PDGFC: variants seen among roughly 807,000 people sequenced by gnomAD.
PDGFC encodes platelet derived growth factor C, also known as platelet-derived growth factor C.
Under a neutral mutation model 35.5 loss-of-function variants are expected in PDGFC, and 12 were observed. The observed-to-expected ratio is 0.34, with a 90% CI of 0.22 to 0.55. PDGFC has a LOEUF of 0.55. Ranked by LOEUF, PDGFC falls within the 20% of genes least tolerant of loss-of-function variation. The probability of loss-of-function intolerance (pLI) is 0.91; values close to 1 mark genes in which losing one functional copy is unlikely to be tolerated. For missense variants in PDGFC, 322 were observed against 412.4 expected (o/e 0.78, Z 1.90); for synonymous variants, 159 against 148.8 (o/e 1.07, Z -0.50).
chr4:156,777,212 T>C (rs575728304), intron 3 of PDGFC, among the ~76,000 whole-genome samples: 2 of 152,152 alleles, frequency 1.3e-5, no homozygotes, highest in African/African-American at 4.8e-5. Flanking sequence ...TAGAAAGGCA[T>C]GTCTGGCTTA....
chr4:156,846,042 A>C (rs1729318100), intron 2 of PDGFC, among the ~76,000 whole-genome samples: 2 of 151,824 alleles, frequency 1.3e-5, no homozygotes, highest in African/African-American at 4.8e-5. Flanking sequence ...CACATTGTGA[A>C]AATACTAATG....
intron 1 of PDGFC, among the ~76,000 whole-genome samples, chr4:156,940,239 T>C (rs1011259558): frequency 6.6e-6 from 1 of 152,120 alleles, no homozygotes. Flanking sequence ...TATTTCCAAG[T>C]ATCCTGAAAA....
At chr4:156,781,759 T>C in intron 3 of PDGFC, among the ~76,000 whole-genome samples, 1 of 152,172 alleles carries the variant, frequency 6.6e-6, no homozygotes, top group Non-Finnish European at 1.5e-5. Flanking sequence ...TGTGTGTGTC[T>C]GTAGGAACAG....
intron 1 of PDGFC, among the ~76,000 whole-genome samples, chr4:156,900,438 G>A (rs1234702815): frequency 1.3e-5 from 2 of 152,144 alleles, no homozygotes; most frequent in Non-Finnish European, 2.9e-5. Flanking sequence ...ACTAGGACAC[G>A]TAGAGTAACA....
intron 1 of PDGFC, among the ~76,000 whole-genome samples, chr4:156,955,439 A>G: frequency 6.6e-6 from 1 of 152,056 alleles, no homozygotes; most frequent in Admixed American, 6.6e-5. Context: ...TAAATTAATT[A>G]GCTGGATTGT....
rs112313675 is a variant in PDGFC, at chr4:156,760,614, A to ATGTGTGTGTG, written c.*2466_*2475dup. ...CAGAAATTAGGGTCATGTGCTATTT[A>ATGTGTGTGTG]TGTGTGTGTGTGTGTGTGTGTGTGT... On this transcript the variant is annotated 3_prime_UTR_variant, in exon 6 of 6. Coordinates refer to ENST00000502773, the MANE Select transcript of PDGFC (RefSeq NM_016205.3). 1 of 148,292 alleles carries ATGTGTGTGTG rather than the reference A, an allele frequency of 6.7e-6. No homozygotes were observed. The highest frequency in any genetic ancestry group is 2.5e-5 in the African/African-American group (1 of 40,468). 9.2% of individuals were successfully genotyped at this position (148,292 alleles called of 1,614,324 possible).
At chr4:156,802,908 A>C (rs953912178) in intron 3 of PDGFC, among the ~76,000 whole-genome samples, 1 of 152,166 alleles carries the variant, frequency 6.6e-6, no homozygotes, top group African/African-American at 2.4e-5. Flanking sequence ...AGGCTGCAAA[A>C]ATTTTATCTC....
At chr4:156,838,181 T>C (rs960182735) in intron 2 of PDGFC, among the ~76,000 whole-genome samples, 1 of 152,212 alleles carries the variant, frequency 6.6e-6, no homozygotes, top group African/African-American at 2.4e-5. Flanking sequence ...TCAATGCTTA[T>C]CTGTCCTAAG....
rs188809072 is a variant in PDGFC at position 156,879,909 on chromosome 4, C to A, written c.119-29493G>T. Among the ~76,000 whole-genome samples, 22 of 152,298 alleles carry A rather than the reference C, an allele frequency of 1.4e-4. No homozygotes were observed. The East Asian group carries it at 3.5e-3, about 24-fold the overall frequency. On this transcript the variant is annotated intron_variant, in intron 1 of 5. Coordinates refer to ENST00000502773, the MANE Select transcript of PDGFC (RefSeq NM_016205.3). ...AGAAAATCAGACCAACCACAACATTCTCTTAAGCCAAAATCTAATCCACAG... is the reference window on the plus strand; with the variant it reads ...AGAAAATCAGACCAACCACAACATTATCTTAAGCCAAAATCTAATCCACAG...
intron 2 of PDGFC, among the ~76,000 whole-genome samples, chr4:156,836,785 AG>A (rs1280407219): frequency 1.3e-5 from 2 of 152,254 alleles, no homozygotes; most frequent in African/African-American, 2.4e-5. Context: ...TTTACTGTAT[AG>A]GAAAACAATA....
intron 3 of PDGFC, among the ~76,000 whole-genome samples, chr4:156,809,932 C>A (rs997995770): frequency 2.0e-5 from 3 of 151,710 alleles, no homozygotes; most frequent in Non-Finnish European, 4.4e-5. Flanking sequence ...TTTTTTACTA[C>A]AATTAATATA....
At chr4:156,865,186 G>GCACA (rs34323245) in intron 1 of PDGFC, among the ~76,000 whole-genome samples, 1,911 of 146,732 alleles carry the variant, frequency 0.013, 41 homozygotes, top group African/African-American at 0.037. Flanking sequence ...AGATACATGT[G>GCACA]CACACACACA....
intron 2 of PDGFC, among the ~76,000 whole-genome samples, chr4:156,823,400 T>C (rs1223519737): frequency 6.6e-6 from 1 of 152,182 alleles, no homozygotes. Flanking sequence ...ATATAAAGTG[T>C]TTAGCATAGT....
At chr4:156,800,602 T>C (rs1032305594) in intron 3 of PDGFC, among the ~76,000 whole-genome samples, 3 of 152,196 alleles carry the variant, frequency 2.0e-5, no homozygotes, top group African/African-American at 4.8e-5. Flanking sequence ...CTCAAATGTG[T>C]GGATCATATG....
chr4:156,787,898 T>A (rs116117551), intron 3 of PDGFC, among the ~76,000 whole-genome samples: 1,549 of 152,064 alleles, frequency 0.01, 35 homozygotes, highest in African/African-American at 0.034. Context: ...AGAGTGAGGA[T>A]GGGAGAAATA....
chr4:156,856,837 A>G (rs1013166105), intron 1 of PDGFC, among the ~76,000 whole-genome samples: 1 of 152,162 alleles, frequency 6.6e-6, no homozygotes, highest in Non-Finnish European at 1.5e-5. Flanking sequence ...TGTCTTACTC[A>G]AAGTTCATCC....
chr4:156,830,479 G>GT (rs1395596339), intron 2 of PDGFC, among the ~76,000 whole-genome samples: 2 of 152,122 alleles, frequency 1.3e-5, no homozygotes, highest in Non-Finnish European at 1.5e-5. Flanking sequence ...AGGCAACTGA[G>GT]TAATTGTGGG....
chr4:156,900,431 A>G (rs902536959), intron 1 of PDGFC, among the ~76,000 whole-genome samples: 2 of 152,220 alleles, frequency 1.3e-5, no homozygotes, highest in Admixed American at 1.3e-4. Flanking sequence ...CAGCAAAACT[A>G]GGACACGTAG....
intron 1 of PDGFC, among the ~76,000 whole-genome samples, chr4:156,925,742 T>TAA (rs200475937): frequency 5.6e-4 from 78 of 138,502 alleles, no homozygotes; most frequent in East Asian, 1.7e-3. Context: ...AGTATTATTC[T>TAA]AAAAAAAAAA....
Sources: allele counts gnomAD v4.1 joint callset (sites outside exome capture counted in the v4.1 genomes callset), GRCh38; gene constraint gnomAD v4.1.1; transcripts MANE v1.5; gene names NCBI Gene and HGNC (gene_info 2026-07-23, HGNC 2026-07-21).